Variants in SOCS5 observed in about 807,000 individuals in gnomAD.
SOCS5 encodes the protein CIS-6.
SOCS5 carries 32 observed loss-of-function variants against 42.8 expected under a neutral mutation model. That is an observed-to-expected ratio of 0.75 (90% CI 0.56 to 1.01). SOCS5 has a LOEUF of 1.01. SOCS5 is among the 50% of genes least tolerant of loss of function. The pLI is 0.00. For synonymous variants in SOCS5, 283 were observed against 229.6 expected (o/e 1.23, Z -2.10); for missense variants, 627 against 653.0 (o/e 0.96, Z 0.43).
intron 1 of SOCS5, among the ~76,000 whole-genome samples, chr2:46,743,784 A>C (rs904579474): frequency 2.6e-5 from 4 of 152,288 alleles, no homozygotes; most frequent in Non-Finnish European, 5.9e-5. Flanking sequence ...GGCATCTCCA[A>C]ATATGTCTGA....
At chr2:46,710,325 T>G (rs1672589457) in intron 1 of SOCS5, among the ~76,000 whole-genome samples, 1 of 152,074 alleles carries the variant, frequency 6.6e-6, no homozygotes, top group African/African-American at 2.4e-5. Context: ...TTTTGTATTT[T>G]TAGTAGAGAT....
chr2:46,732,671 A>T (rs981097624), intron 1 of SOCS5, among the ~76,000 whole-genome samples: 1 of 152,212 alleles, frequency 6.6e-6, no homozygotes, highest in African/African-American at 2.4e-5. Context: ...TGGAGACAGT[A>T]TGGAAGATAG....
Position 46,759,214 on chromosome 2 carries a change from A to G in SOCS5, c.684A>G (p.Gln228=), listed in dbSNP as rs1382473016. The G allele has an allele frequency of 3.1e-6, 5 of 1,613,942 alleles. No homozygotes were observed. Among genetic ancestry groups the G allele is most frequent in the Non-Finnish European group, 4.2e-6 (5 of 1,179,862 alleles). ...TTCCTGCTGGCTCAGATTTAGCCCA[A>G]AAATGGCATTTGATTAAACAGCATA... The part of the protein sequence containing the change: ...CPFPAGSDLA[Q]KWHLIKQHTA... The change falls in exon 2 of 2, where the codon CAA becomes CAG. Residue 228 remains glutamine (Q), a synonymous_variant. Coordinates refer to ENST00000394861, the MANE Select transcript of SOCS5 (RefSeq NM_144949.3).
chr2:46,760,308 T>C lies in SOCS5; in HGVS notation c.*167T>C. 3.3e-6 allele frequency: 2 copies of C among 608,988 alleles called. No homozygotes were observed. The highest frequency in any genetic ancestry group is 5.9e-6 in the Non-Finnish European group (2 of 337,974). The allele number at this position is 608,988 out of a possible 1,614,324, so 37.7% of individuals were successfully genotyped here. A position where few individuals can be genotyped will look rare whatever the true frequency, so the allele number is the denominator to read the frequency against. ...CTGTTACTTATTCAGATAAACATGG[T>C]GCCTATTGGAACAATAGCGGATAGA... On this transcript the variant is annotated 3_prime_UTR_variant, in exon 2 of 2. Transcript: ENST00000394861.
rs1673883365 is a variant in SOCS5, at chr2:46,762,037, A to G, written c.*1896A>G. 6.0e-6 allele frequency: 1 copy of G among 167,040 alleles called. No homozygotes were observed. The highest frequency in any genetic ancestry group is 1.5e-5 in the Non-Finnish European group (1 of 68,058). 10.3% of individuals were successfully genotyped at this position (167,040 alleles called of 1,614,324 possible). Reference sequence around the variant, plus strand: ...AGTACCATTTATTGGTTTGGGGACCATCTTAATTAAAAATAAATGCCCAAA... The same window carrying G: ...AGTACCATTTATTGGTTTGGGGACCGTCTTAATTAAAAATAAATGCCCAAA... On this transcript the variant is annotated 3_prime_UTR_variant, in exon 2 of 2. Transcript: ENST00000394861.
At chr2:46,733,582 A>G (rs866844399) in intron 1 of SOCS5, among the ~76,000 whole-genome samples, 1,347 of 126,808 alleles carry the variant, frequency 0.011, 1 homozygote, top group Middle Eastern at 0.052. Context: ...AAAAAAAAAG[A>G]AAAAAAAAAA....
intron 1 of SOCS5, among the ~76,000 whole-genome samples, chr2:46,753,934 C>T (rs1302239751): frequency 1.3e-5 from 2 of 152,128 alleles, no homozygotes; most frequent in Admixed American, 1.3e-4. Flanking sequence ...GAGGTCACTT[C>T]GGTTGTCATC....
intron 1 of SOCS5, among the ~76,000 whole-genome samples, chr2:46,704,956 A>G (rs1672428807): frequency 6.6e-6 from 1 of 152,170 alleles, no homozygotes; most frequent in African/African-American, 2.4e-5. Context: ...GAAGGGCCAG[A>G]CATTTAGGGG....
At chr2:46,706,433 G>C (rs1262760292) in intron 1 of SOCS5, among the ~76,000 whole-genome samples, 1 of 152,126 alleles carries the variant, frequency 6.6e-6, no homozygotes, top group African/African-American at 2.4e-5. Flanking sequence ...GGTCGGCTTT[G>C]GTTGTCATTT....
intron 1 of SOCS5, among the ~76,000 whole-genome samples, chr2:46,720,969 G>A (rs140384645): frequency 6.6e-6 from 1 of 152,106 alleles, no homozygotes; most frequent in South Asian, 2.1e-4. Context: ...GAGTGAGTCC[G>A]TTCTGCTCCT....
rs1673836798 is a variant in SOCS5 at position 46,760,262 on chromosome 2, G to T, written c.*121G>T. On this transcript the variant is annotated 3_prime_UTR_variant, in exon 2 of 2. Coordinates refer to ENST00000394861, the MANE Select transcript of SOCS5 (RefSeq NM_144949.3). ...CATACAGTATGTAAGCTTAGTGTTA[G>T]TATCTGTCAGATGCTACCTGCTGTT... The T allele has an allele frequency of 1.4e-6, 1 of 695,180 alleles. No homozygotes were observed. The highest frequency in any genetic ancestry group is 1.9e-5 in the South Asian group (1 of 52,228). The allele number at this position is 695,180 out of a possible 1,614,324, so 43.1% of individuals were successfully genotyped here.
intron 1 of SOCS5, among the ~76,000 whole-genome samples, chr2:46,726,738 A>AATTATTATTATTATT (rs111456718): frequency 1.5e-3 from 221 of 145,466 alleles, no homozygotes; most frequent in African/African-American, 5.0e-3. Context: ...TTCAGTTCTA[A>AATTATTATTATTATT]ATTATTATTA....
In SOCS5 at chr2:46,759,226, G is replaced by A; in HGVS notation, c.696G>A (p.Leu232=). Residue 232 remains leucine, a synonymous_variant, in exon 2 of 2, where the codon TTG becomes TTA. Transcript: ENST00000394861. The part of the protein sequence containing the change: ...AGSDLAQKWH[L]IKQHTAPVSP... ...CAGATTTAGCCCAAAAATGGCATTTGATTAAACAGCATACAGCTCCTGTGA... is the reference window on the plus strand; with the variant it reads ...CAGATTTAGCCCAAAAATGGCATTTAATTAAACAGCATACAGCTCCTGTGA... 1 of 1,613,908 alleles carries A rather than the reference G, an allele frequency of 6.2e-7. No individual in the cohort carries two copies. Among genetic ancestry groups the A allele is most frequent in the South Asian group, 1.1e-5 (1 of 91,062 alleles).
chr2:46,723,652 A>G (rs996394338), intron 1 of SOCS5, among the ~76,000 whole-genome samples: 1 of 152,038 alleles, frequency 6.6e-6, no homozygotes. Context: ...CTTTCCCTAT[A>G]TTACAGAATG....
At chr2:46,754,199 T>C (rs1359338727) in intron 1 of SOCS5, among the ~76,000 whole-genome samples, 1 of 152,170 alleles carries the variant, frequency 6.6e-6, no homozygotes, top group Non-Finnish European at 1.5e-5. Flanking sequence ...TAGATCCATA[T>C]TGTCTGTATT....
intron 1 of SOCS5, among the ~76,000 whole-genome samples, chr2:46,729,369 G>A (rs1042818772): frequency 9.2e-5 from 14 of 152,144 alleles, no homozygotes; most frequent in Admixed American, 9.2e-4. Flanking sequence ...TACGTTCTGG[G>A]AAGTATGTCA....
At chr2:46,753,662 C>T (rs1182960484) in intron 1 of SOCS5, among the ~76,000 whole-genome samples, 1 of 152,006 alleles carries the variant, frequency 6.6e-6, no homozygotes, top group Non-Finnish European at 1.5e-5. Flanking sequence ...ACTCCATAGG[C>T]AGAGCAGCAG....
At chr2:46,729,119 G>A (rs1394907781) in intron 1 of SOCS5, among the ~76,000 whole-genome samples, 1 of 152,198 alleles carries the variant, frequency 6.6e-6, no homozygotes, top group Non-Finnish European at 1.5e-5. Flanking sequence ...CAAGCACTAT[G>A]TGTGGTTTAG....
At chr2:46,735,409 A>G (rs1673221461) in intron 1 of SOCS5, among the ~76,000 whole-genome samples, 1 of 152,224 alleles carries the variant, frequency 6.6e-6, no homozygotes, top group Non-Finnish European at 1.5e-5. Context: ...ATTGGCCAGA[A>G]CTTAGTCCAT....
Sources: gnomAD v4.1 joint callset for allele counts (sites outside exome capture counted in the v4.1 genomes callset) on GRCh38, gnomAD v4.1.1 for gene constraint, MANE v1.5 for transcripts, NCBI Gene and HGNC (gene_info 2026-07-23, HGNC 2026-07-21) for gene names.